The following LINGO2 variants were observed in gnomAD, a reference collection of about 807,000 sequenced individuals.
LINGO2 encodes the protein leucine rich repeat and Ig domain containing 2.
Under a neutral mutation model 30.6 loss-of-function variants are expected in LINGO2, and 14 were observed. The observed-to-expected ratio is 0.46, with a 90% CI of 0.30 to 0.72. The LOEUF (loss-of-function observed/expected upper bound fraction) is 0.72. LINGO2 is among the 30% of genes least tolerant of loss of function. The pLI is 0.07. For missense variants in LINGO2, 729 were observed against 751.7 expected (o/e 0.97, Z 0.35); for synonymous variants, 317 against 288.5 (o/e 1.10, Z -1.00).
chr9:28,494,249 G>A (rs1021190152), intron 1 of LINGO2, among the ~76,000 whole-genome samples: 1 of 151,910 alleles, frequency 6.6e-6, no homozygotes, highest in African/African-American at 2.4e-5. Context: ...TTAAGCACTA[G>A]GGTACATGTA....
At chr9:28,698,243 T>C in the LINGO2 span, among the ~76,000 whole-genome samples, 9 of 152,120 alleles carry the variant, frequency 5.9e-5, no homozygotes, top group African/African-American at 2.2e-4. Context: ...GCATCATGGC[T>C]CTTTTATTTC....
rs150393949 is a variant in LINGO2, at chr9:28,381,868, C to T, written c.-278-9000G>A. 6.3e-4 allele frequency among the ~76,000 whole-genome samples: 96 copies of T among 152,192 alleles called. 2 individuals are homozygous for T. Among genetic ancestry groups the T allele is most frequent in the African/African-American group, 2.2e-3 (91 of 41,560 alleles). On this transcript the variant is annotated intron_variant, in intron 2 of 5. Transcript: ENST00000379992. The stretch of plus-strand genomic sequence containing the variant: ...GAATGCTGCCCTGTGAGTCAATAGG[C>T]TTAGGCCACCATTTACATTTTGTTT...
chr9:28,457,394 T>A (rs908059155), intron 2 of LINGO2, among the ~76,000 whole-genome samples: 11 of 152,066 alleles, frequency 7.2e-5, no homozygotes, highest in African/African-American at 2.7e-4. Flanking sequence ...CTCAATAATG[T>A]CACCATGTCA....
chr9:28,970,682 T>G, the LINGO2 span, among the ~76,000 whole-genome samples: 1 of 152,132 alleles, frequency 6.6e-6, no homozygotes, highest in African/African-American at 2.4e-5. Context: ...CCGGAACATT[T>G]AGACCAGCCC....
intron 5 of LINGO2, among the ~76,000 whole-genome samples, chr9:28,001,151 C>CT (rs1232333484): frequency 2.0e-5 from 3 of 152,004 alleles, no homozygotes; most frequent in African/African-American, 7.3e-5. Context: ...TTTTTTTTAA[C>CT]TATAGAATCC....
chr9:28,614,115 T>G (rs569398511), intron 1 of LINGO2, among the ~76,000 whole-genome samples: 2 of 152,138 alleles, frequency 1.3e-5, no homozygotes, highest in South Asian at 4.1e-4. Flanking sequence ...TTATTTCAAA[T>G]TTGGTCAAAG....
the LINGO2 span, among the ~76,000 whole-genome samples, chr9:29,138,121 T>C: frequency 6.6e-6 from 1 of 152,030 alleles, no homozygotes; most frequent in South Asian, 2.1e-4. Context: ...CACAGTCTTG[T>C]TCTGCTGCAG....
intron 4 of LINGO2, among the ~76,000 whole-genome samples, chr9:28,156,359 A>T (rs555192408): frequency 3.3e-5 from 5 of 152,324 alleles, no homozygotes; most frequent in African/African-American, 9.6e-5. Context: ...CAGTAGATCC[A>T]ATTAGAATTG....
At chr9:28,883,859 G>T in the LINGO2 span, among the ~76,000 whole-genome samples, 1 of 150,416 alleles carries the variant, frequency 6.6e-6, no homozygotes, top group African/African-American at 2.4e-5. Flanking sequence ...TATATTTTTG[G>T]TAGAGATGGG....
chr9:28,305,298 A>T (rs1587428992), intron 3 of LINGO2, among the ~76,000 whole-genome samples: 1 of 152,030 alleles, frequency 6.6e-6, no homozygotes, highest in East Asian at 1.9e-4. Flanking sequence ...ATGCTTTCTT[A>T]TTAAGATCAG....
intron 1 of LINGO2, among the ~76,000 whole-genome samples, chr9:28,502,161 CAT>C (rs1491419399): frequency 3.1e-4 from 47 of 149,944 alleles, no homozygotes; most frequent in African/African-American, 9.7e-4. Flanking sequence ...CACACACACA[CAT>C]ACACACACAC....
intron 4 of LINGO2, among the ~76,000 whole-genome samples, chr9:28,089,721 G>T (rs2133256845): frequency 6.6e-6 from 1 of 152,164 alleles, no homozygotes; most frequent in Middle Eastern, 3.4e-3. Flanking sequence ...GATCAGAACA[G>T]AACTGAAGGA....
At chr9:28,362,751 G>T (rs2134516181) in intron 3 of LINGO2, among the ~76,000 whole-genome samples, 1 of 152,248 alleles carries the variant, frequency 6.6e-6, no homozygotes, top group African/African-American at 2.4e-5. Flanking sequence ...TTACAGGTGT[G>T]AGCCACCACG....
At chr9:28,558,693 G>C (rs1822880915) in intron 1 of LINGO2, among the ~76,000 whole-genome samples, 1 of 151,918 alleles carries the variant, frequency 6.6e-6, no homozygotes, top group Non-Finnish European at 1.5e-5. Flanking sequence ...ATGAACACTG[G>C]GGGGCTTTTT....
At chr9:28,037,472 T>TA (rs60891119) in intron 4 of LINGO2, among the ~76,000 whole-genome samples, 10,755 of 151,638 alleles carry the variant, frequency 0.071, 460 homozygotes, top group African/African-American at 0.11. Flanking sequence ...CTGTCTCCTT[T>TA]AAAAAAAAAG....
At chr9:29,062,904 T>C in the LINGO2 span, among the ~76,000 whole-genome samples, 3 of 152,164 alleles carry the variant, frequency 2.0e-5, no homozygotes, top group African/African-American at 7.2e-5. Flanking sequence ...TGTACCATTG[T>C]TTCTTTACTA....
chr9:29,162,975 G>C, the LINGO2 span, among the ~76,000 whole-genome samples: 2 of 152,226 alleles, frequency 1.3e-5, no homozygotes, highest in African/African-American at 4.8e-5. Flanking sequence ...CAAAGAGACA[G>C]AGAAAGAGAG....
intron 5 of LINGO2, among the ~76,000 whole-genome samples, chr9:27,975,771 G>C (rs1820563932): frequency 6.6e-6 from 1 of 152,130 alleles, no homozygotes; most frequent in Non-Finnish European, 1.5e-5. Context: ...AAGGCTGCAA[G>C]TGCATTGAAA....
the LINGO2 span, among the ~76,000 whole-genome samples, chr9:28,902,308 T>C: frequency 6.6e-6 from 1 of 152,142 alleles, no homozygotes; most frequent in South Asian, 2.1e-4. Context: ...AAAAAGGTCC[T>C]TATTAGTGAT....
Sources: allele counts gnomAD v4.1 joint callset (sites outside exome capture counted in the v4.1 genomes callset), GRCh38; gene constraint gnomAD v4.1.1; transcripts MANE v1.5; gene names NCBI Gene and HGNC (gene_info 2026-07-23, HGNC 2026-07-21).